AFF2: variants seen among roughly 807,000 people sequenced by gnomAD.
The protein encoded by AFF2 is ALF transcription elongation factor 2.
AFF2 carries 14 observed loss-of-function variants against 76.9 expected under a neutral mutation model. The ratio of observed to expected loss-of-function variants is 0.18; its 90% CI spans 0.12 to 0.28. The LOEUF (loss-of-function observed/expected upper bound fraction) is 0.28. Among genes scored for constraint, AFF2 ranks in the 10% least tolerant of loss-of-function variants. The probability of loss-of-function intolerance (pLI) is 1.00; values close to 1 mark genes in which losing one functional copy is unlikely to be tolerated. For synonymous variants in AFF2, 398 were observed against 366.7 expected, an observed-to-expected ratio of 1.09 and a Z score of -0.98; for missense variants, 868 against 1,001.1, an observed-to-expected ratio of 0.87 and a Z score of 1.79.
chrX:148,955,280 A>G (rs1016474697), intron 10 of AFF2, among the ~76,000 whole-genome samples: 8 of 112,766 alleles, frequency 7.1e-5, no homozygotes, highest in Non-Finnish European at 1.5e-4. Flanking sequence ...GGTTTCCCTC[A>G]TTGGCATCCC....
At chrX:148,806,629 C>T (rs1365605837) in intron 3 of AFF2, among the ~76,000 whole-genome samples, 5 of 111,988 alleles carry the variant, frequency 4.5e-5, no homozygotes, top group Non-Finnish European at 7.5e-5. Context: ...ACAGTGTGAG[C>T]TCAATCAGGA....
chrX:148,794,101 G>A (rs2069936218), intron 3 of AFF2, among the ~76,000 whole-genome samples: 1 of 112,025 alleles, frequency 8.9e-6, no homozygotes, highest in Admixed American at 9.5e-5. Flanking sequence ...GTCTGCCAGA[G>A]GCAGCCCTTT....
At chrX:148,702,471 G>A (rs368126474) in intron 3 of AFF2, among the ~76,000 whole-genome samples, 2 of 111,444 alleles carry the variant, frequency 1.8e-5, no homozygotes, top group African/African-American at 6.5e-5. Flanking sequence ...CCACCATACC[G>A]AGCCCTCATT....
chrX:148,882,733 T>A (rs889175368), intron 7 of AFF2, among the ~76,000 whole-genome samples: 28 of 111,914 alleles, frequency 2.5e-4, no homozygotes, highest in Non-Finnish European at 5.1e-4. Context: ...TCTTTCATAA[T>A]CCTACGCTTT....
intron 1 of AFF2, among the ~76,000 whole-genome samples, chrX:148,633,163 T>A (rs1453219043): frequency 9.0e-6 from 1 of 111,234 alleles, no homozygotes; most frequent in East Asian, 2.8e-4. Flanking sequence ...AAATACAAGA[T>A]GGTGTAGTAT....
At chrX:148,768,960 CT>C (rs1420342564) in intron 3 of AFF2, among the ~76,000 whole-genome samples, 2 of 111,933 alleles carry the variant, frequency 1.8e-5, no homozygotes, top group Admixed American at 9.5e-5. Context: ...TTTATTTCAA[CT>C]TTTCTCATTT....
chrX:148,871,490 A>G (rs1557277353), intron 7 of AFF2, among the ~76,000 whole-genome samples: 1 of 111,631 alleles, frequency 9.0e-6, no homozygotes, highest in Non-Finnish European at 1.9e-5. Flanking sequence ...TAATGAATTC[A>G]TATATAACAT....
At chrX:148,571,418 C>G (rs2053228323) in intron 1 of AFF2, among the ~76,000 whole-genome samples, 1 of 111,536 alleles carries the variant, frequency 9.0e-6, no homozygotes, top group African/African-American at 3.3e-5. Context: ...CCCGCTACCC[C>G]CAACTGCAGC....
intron 4 of AFF2, among the ~76,000 whole-genome samples, chrX:148,812,158 T>C (rs1348273522): frequency 2.7e-5 from 3 of 111,876 alleles, no homozygotes; most frequent in African/African-American, 6.5e-5. Context: ...AGAGCATGCT[T>C]GTTGGGCTTT....
At chrX:148,528,282 A>G (rs2052687704) in intron 1 of AFF2, among the ~76,000 whole-genome samples, 1 of 111,991 alleles carries the variant, frequency 8.9e-6, no homozygotes, top group South Asian at 3.7e-4. Context: ...ATATTTTTCT[A>G]CTTTGGGAAA....
At chrX:148,843,477 G>T in intron 7 of AFF2, 44 bp downstream of exon 7, 1 of 1,106,516 alleles carries the variant, frequency 9.0e-7, no homozygotes, top group Middle Eastern at 2.4e-4. Flanking sequence ...GGGGATATTT[G>T]GCAAGGAAAC....
chrX:148,567,870 T>C (rs1557241898), intron 1 of AFF2, among the ~76,000 whole-genome samples: 1 of 112,141 alleles, frequency 8.9e-6, no homozygotes, highest in African/African-American at 3.2e-5. Flanking sequence ...GATTCTTTCT[T>C]GTTTCTATAG....
intron 3 of AFF2, among the ~76,000 whole-genome samples, chrX:148,683,233 T>C (rs1312086706): frequency 8.9e-6 from 1 of 112,018 alleles, no homozygotes; most frequent in African/African-American, 3.2e-5. Flanking sequence ...GTCCTGAGGT[T>C]GTGGATTGTG....
intron 7 of AFF2, among the ~76,000 whole-genome samples, chrX:148,854,258 C>A (rs2070763225): frequency 8.9e-6 from 1 of 111,906 alleles, no homozygotes; most frequent in African/African-American, 3.2e-5. Flanking sequence ...CCTTTCCCAT[C>A]TGCTAGAAAG....
chrX:148,577,202 T>TTGTA (rs1557243602), intron 1 of AFF2, among the ~76,000 whole-genome samples: 15 of 111,911 alleles, frequency 1.3e-4, no homozygotes, highest in African/African-American at 4.9e-4. Flanking sequence ...ACCTGCTCTA[T>TTGTA]TAGACCAGTT....
chrX:148,767,320 T>C lies in AFF2; in HGVS notation c.1042-42556T>C, dbSNP rs1231657574. ...AAAAGCTAAACATTAATAACTTAAA[T>C]AACAGGATTTTAGTTGAGAAGATGA... is the stretch of plus-strand genomic sequence containing the variant. On this transcript the variant is annotated intron_variant, in intron 3 of 20. Transcript: ENST00000370460. Among the ~76,000 whole-genome samples, 3 of 111,543 alleles carry C rather than the reference T, an allele frequency of 2.7e-5. 1 individual carries two copies. In the East Asian group the frequency reaches 8.5e-4, roughly 31 times the overall value.
intron 3 of AFF2, among the ~76,000 whole-genome samples, chrX:148,751,977 A>G (rs1185039128): frequency 8.1e-5 from 9 of 111,638 alleles, no homozygotes; most frequent in Non-Finnish European, 1.7e-4. Context: ...CATTCTTAGT[A>G]TCTTCTTGCG....
intron 3 of AFF2, among the ~76,000 whole-genome samples, chrX:148,713,155 A>G (rs2054988836): frequency 9.0e-6 from 1 of 111,280 alleles, no homozygotes; most frequent in African/African-American, 3.3e-5. Context: ...GCTGGAGCAG[A>G]GTACTCAAAG....
At chrX:148,926,276 C>T (rs1219368360) in intron 9 of AFF2, among the ~76,000 whole-genome samples, 1 of 112,367 alleles carries the variant, frequency 8.9e-6, no homozygotes, top group Non-Finnish European at 1.9e-5. Flanking sequence ...TAGGCCGAGG[C>T]TTGCTATGTC....
Sources: allele counts gnomAD v4.1 joint callset (sites outside exome capture counted in the v4.1 genomes callset), GRCh38; gene constraint gnomAD v4.1.1; transcripts MANE v1.5; gene names NCBI Gene and HGNC (gene_info 2026-07-23, HGNC 2026-07-21).